Variants in CC2D2A observed in about 807,000 individuals in gnomAD.
The protein encoded by CC2D2A is coiled-coil and C2 domain containing 2A, also known as coiled-coil and C2 domain-containing protein 2A.
CC2D2A carries 155 observed loss-of-function variants against 212.9 expected under a neutral mutation model. That is an observed-to-expected ratio of 0.73 (90% CI 0.64 to 0.83). CC2D2A has a LOEUF of 0.83. Ranked by LOEUF, CC2D2A falls within the 40% of genes least tolerant of loss-of-function variation. CC2D2A has a pLI of 0.00. For missense variants in CC2D2A, 1,856 were observed against 1,956.2 expected, an observed-to-expected ratio of 0.95 and a Z score of 0.97; for synonymous variants, 667 against 686.5, an observed-to-expected ratio of 0.97 and a Z score of 0.44.
chr4:15,555,275 T>C, intron 20 of CC2D2A, 65 bp downstream of exon 20: 1 of 1,557,886 alleles, frequency 6.4e-7, no homozygotes, highest in Middle Eastern at 1.7e-4. Context: ...TCCTTTACAC[T>C]ATCTTCTCCT....
intron 22 of CC2D2A, 60 bp from the exon 23 acceptor site, chr4:15,560,471 G>C: frequency 2.4e-6 from 2 of 848,490 alleles, no homozygotes; most frequent in Non-Finnish European, 3.8e-6. Context: ...CTTAGAGTGT[G>C]GAGAGTGAAC....
chr4:15,516,212 TC>T (rs1716864664), intron 10 of CC2D2A, among the ~76,000 whole-genome samples: 1 of 152,122 alleles, frequency 6.6e-6, no homozygotes, highest in African/African-American at 2.4e-5. Flanking sequence ...TCAAAACCCA[TC>T]TTTGCTAGCT....
At chr4:15,475,760 A>G (rs1577305328) in intron 1 of CC2D2A, 155 bp from the exon 2 acceptor site, 1 of 623,370 alleles carries the variant, frequency 1.6e-6, no homozygotes, top group South Asian at 1.9e-5. Flanking sequence ...TATCTCCACC[A>G]ATCCTGGGGT....
intron 26 of CC2D2A, 151 bp from the exon 27 acceptor site, chr4:15,569,142 C>A: frequency 1.7e-6 from 1 of 604,832 alleles, no homozygotes; most frequent in Non-Finnish European, 3.0e-6. Flanking sequence ...TTATAGTATC[C>A]CTGTACAAGA....
chr4:15,478,851 A>G (rs1577309297), intron 3 of CC2D2A, 45 bp downstream of exon 3: 4 of 1,441,574 alleles, frequency 2.8e-6, no homozygotes, highest in East Asian at 2.5e-5. Context: ...TCATTGATCA[A>G]CAACCCGCCT....
chr4:15,574,231 TTTGA>T lies in CC2D2A; in HGVS notation c.3679_3682del (p.Asp1227LeufsTer5), dbSNP rs1213164662. On this transcript the variant is annotated frameshift_variant, in exon 29 of 37. Transcript: ENST00000424120. LOFTEE classifies it high-confidence loss of function. ...GCGAAATATGATTCTTGAGCGGGGT[TTTGA>T]TTCTGTCCGAAGCTTAAGTGAAGGC... 1 of 1,551,546 alleles carries T rather than the reference TTTGA, an allele frequency of 6.4e-7. No homozygotes were observed. The highest frequency in any genetic ancestry group is 8.7e-7 in the Non-Finnish European group (1 of 1,146,882).
At chr4:15,559,395 A>G in intron 22 of CC2D2A, 138 bp downstream of exon 22, 1 of 598,158 alleles carries the variant, frequency 1.7e-6, no homozygotes. Context: ...CATAAACACA[A>G]ATATATAATT....
At chr4:15,582,224 TTAAA>T (rs138366086) in intron 30 of CC2D2A, among the ~76,000 whole-genome samples, 27,198 of 151,852 alleles carry the variant, frequency 0.18, 3,058 homozygotes, top group Non-Finnish European at 0.25. Flanking sequence ...TTGAATACAG[TTAAA>T]TAAGAGGTAA....
At chr4:15,517,357 CT>C (rs200344261) in intron 11 of CC2D2A, among the ~76,000 whole-genome samples, 3,626 of 152,264 alleles carry the variant, frequency 0.024, 78 homozygotes, top group Non-Finnish European at 0.035. Context: ...CTTTTGCCCT[CT>C]CTTTTCTCTT....
intron 14 of CC2D2A, among the ~76,000 whole-genome samples, chr4:15,535,832 G>A (rs1718098314): frequency 6.6e-6 from 1 of 152,166 alleles, no homozygotes; most frequent in Non-Finnish European, 1.5e-5. Flanking sequence ...AAGCTTAACT[G>A]CCTTGGGGGA....
At chr4:15,545,035 C>T (rs778459126) in intron 17 of CC2D2A, among the ~76,000 whole-genome samples, 13 of 152,162 alleles carry the variant, frequency 8.5e-5, no homozygotes, top group Non-Finnish European at 1.8e-4. Context: ...AACTCTCATA[C>T]CACAATGGCA....
chr4:15,592,946 T>G (rs1721175455), intron 33 of CC2D2A, among the ~76,000 whole-genome samples: 1 of 152,216 alleles, frequency 6.6e-6, no homozygotes, highest in Non-Finnish European at 1.5e-5. Context: ...TTCTTGATTT[T>G]CCCTCTCCCT....
intron 1 of CC2D2A, among the ~76,000 whole-genome samples, chr4:15,470,685 CTCTCTATATATATATA>C (rs1212850026): frequency 2.8e-3 from 112 of 40,476 alleles, no homozygotes; most frequent in East Asian, 0.02. Flanking sequence ...CTCTCTCTCT[CTCTCTATATATATATA>C]TATATATATA....
intron 4 of CC2D2A, 48 bp from the exon 5 acceptor site, chr4:15,502,381 C>CTTTTT: frequency 2.8e-6 from 4 of 1,427,026 alleles, no homozygotes; most frequent in East Asian, 5.0e-5. Context: ...TTTTTCTTTT[C>CTTTTT]TTTTTCTTTT....
intron 2 of CC2D2A, among the ~76,000 whole-genome samples, chr4:15,477,859 C>T (rs1484362726): frequency 2.6e-5 from 4 of 152,068 alleles, no homozygotes; most frequent in Non-Finnish European, 5.9e-5. Context: ...GAGGTCTGGC[C>T]CAGAAACCTG....
chr4:15,478,847 A>C, intron 3 of CC2D2A, 41 bp downstream of exon 3: 1 of 1,450,028 alleles, frequency 6.9e-7, no homozygotes, highest in Non-Finnish European at 9.5e-7. Flanking sequence ...ATTGTCATTG[A>C]TCAACAACCC....
chr4:15,522,166 A>G (rs1252043013), intron 11 of CC2D2A, among the ~76,000 whole-genome samples: 1 of 152,244 alleles, frequency 6.6e-6, no homozygotes, highest in Non-Finnish European at 1.5e-5. Flanking sequence ...ACACCACTGC[A>G]CGCCAGCTTG....
chr4:15,493,035 A>G (rs1715398810), intron 4 of CC2D2A: 2 of 383,092 alleles, frequency 5.2e-6, no homozygotes, highest in Admixed American at 6.8e-5. Flanking sequence ...CTATGACCTA[A>G]TATCCTAGTA....
Position 15,478,769 on chromosome 4 carries a change from A to G in CC2D2A, c.86A>G (p.Lys29Arg). 1 of 1,555,226 alleles carries G rather than the reference A, an allele frequency of 6.4e-7. No individual in the cohort carries two copies. Among genetic ancestry groups the G allele is most frequent in the Non-Finnish European group, 8.7e-7 (1 of 1,148,896 alleles). The change falls in exon 3 of 37, where the codon AAG becomes AGG. Residue 29 changes from lysine (K) to arginine (R), a missense_variant. Transcript: ENST00000424120. ...DEDADMGRQN[K>R]NSKVRRQPRK... is the part of the protein sequence containing the mutation. ...GATGCAGACATGGGAAGACAGAATAAGAACTCAAAGGTTCGAAGACAGCCA... is the reference window on the plus strand; with the variant it reads ...GATGCAGACATGGGAAGACAGAATAGGAACTCAAAGGTTCGAAGACAGCCA...
Sources: gnomAD v4.1 joint callset for allele counts (sites outside exome capture counted in the v4.1 genomes callset) on GRCh38, gnomAD v4.1.1 for gene constraint, MANE v1.5 for transcripts, NCBI Gene and HGNC (gene_info 2026-07-23, HGNC 2026-07-21) for gene names.